Variants in TMEM30A observed in about 807,000 individuals in gnomAD.
The protein encoded by TMEM30A is cell division cycle 50 P4-ATPase accessory subunit A, also known as cell cycle control protein 50A.
A neutral mutation model predicts 38.2 loss-of-function variants in TMEM30A; 24 were observed. The ratio of observed to expected loss-of-function variants is 0.63; its 90% CI spans 0.46 to 0.88. The LOEUF is 0.88. Ranked by LOEUF, TMEM30A falls within the 40% of genes least tolerant of loss-of-function variation. TMEM30A has a pLI of 0.00. For synonymous variants in TMEM30A, 145 were observed against 161.6 expected, an observed-to-expected ratio of 0.90 and a Z score of 0.78; for missense variants, 370 against 458.6, an observed-to-expected ratio of 0.81 and a Z score of 1.77.
Position 75,260,922 on chromosome 6 carries a change from C to T in TMEM30A, c.454-11G>A. 6.3e-7 allele frequency: 1 copy of T among 1,581,698 alleles called. No individual in the cohort carries two copies. The highest frequency in any genetic ancestry group is 8.6e-7 in the Non-Finnish European group (1 of 1,165,884). The stretch of plus-strand genomic sequence containing the variant: ...TTCCTTACTGGGATTCTGGTTTTTA[C>T]AAGGAAAAGAAGAGAGAAATTATTA... On this transcript the variant is annotated splice_polypyrimidine_tract_variant and intron_variant, in intron 3 of 6. Coordinates refer to ENST00000230461, the MANE Select transcript of TMEM30A (RefSeq NM_018247.4).
At chr6:75,279,519 C>T (rs1460739868) in intron 1 of TMEM30A, among the ~76,000 whole-genome samples, 1 of 152,110 alleles carries the variant, frequency 6.6e-6, no homozygotes, top group Non-Finnish European at 1.5e-5. Flanking sequence ...AAAATTAATG[C>T]TTACTAACGT....
intron 1 of TMEM30A, among the ~76,000 whole-genome samples, chr6:75,278,744 T>C (rs1156607397): frequency 3.9e-5 from 6 of 152,166 alleles, no homozygotes; most frequent in Non-Finnish European, 8.8e-5. Context: ...ACTTCCCTCG[T>C]TTAATATATT....
chr6:75,256,015 T>C lies in TMEM30A; in HGVS notation c.*87A>G. 3 of 931,928 alleles carry C rather than the reference T, an allele frequency of 3.2e-6. No homozygotes were observed. Among genetic ancestry groups the C allele is most frequent in the South Asian group, 2.0e-5 (1 of 49,972 alleles). 57.7% of individuals were successfully genotyped at this position (931,928 alleles called of 1,614,324 possible). The stretch of plus-strand genomic sequence containing the variant: ...GTTATGTGCCAACTTCAAAATGACA[T>C]ACTAACCAGATATCAGCATTCGAAA... On this transcript the variant is annotated 3_prime_UTR_variant, in exon 7 of 7. Coordinates refer to ENST00000230461, the MANE Select transcript of TMEM30A (RefSeq NM_018247.4).
In TMEM30A at chr6:75,258,843, C is replaced by CA. The variant is rs1444127308; in HGVS notation, c.828_829insT (p.Glu277Ter). 6.2e-7 allele frequency: 1 copy of CA among 1,613,956 alleles called. No individual in the cohort carries two copies. The highest frequency in any genetic ancestry group is 8.5e-7 in the Non-Finnish European group (1 of 1,179,894). On this transcript the variant is annotated frameshift_variant, in exon 6 of 7. Coordinates refer to ENST00000230461, the MANE Select transcript of TMEM30A (RefSeq NM_018247.4). LOFTEE classifies it high-confidence loss of function. ...GTTGGATGTAAATCACTTTTCCTTT[C>CA]TATAAGACGATACAACTTGCGAAAA...
chr6:75,265,173 G>GA, intron 3 of TMEM30A, 58 bp downstream of exon 3: 2 of 1,064,758 alleles, frequency 1.9e-6, no homozygotes, highest in South Asian at 2.8e-5. Context: ...TAACTGAACA[G>GA]TTACTACATA....
At chr6:75,272,000 G>A (rs990989128) in intron 1 of TMEM30A, among the ~76,000 whole-genome samples, 3 of 152,128 alleles carry the variant, frequency 2.0e-5, no homozygotes, top group African/African-American at 7.2e-5. Context: ...AGAAGACAGA[G>A]GTGGAAATCA....
In TMEM30A at chr6:75,265,359, A is replaced by G. The variant is rs374351817; in HGVS notation, c.346-21T>C. 1.9e-5 allele frequency: 28 copies of G among 1,436,798 alleles called. No homozygotes were observed. In the African/African-American group the frequency reaches 3.0e-4, roughly 16 times the overall value. The allele number at this position is 1,436,798 out of a possible 1,614,324, so 89.0% of individuals were successfully genotyped here. On this transcript the variant is annotated intron_variant, in intron 2 of 6. Coordinates refer to ENST00000230461, the MANE Select transcript of TMEM30A (RefSeq NM_018247.4). Reference sequence around the variant, plus strand: ...TTGCCCTAGAGAAACAGAGAGGGAAAAAATTTTCATATAAAAACTATTCTG... The same window carrying G: ...TTGCCCTAGAGAAACAGAGAGGGAAGAAATTTTCATATAAAAACTATTCTG...
At chr6:75,267,505 T>G (rs1463582103) in intron 2 of TMEM30A, 136 bp downstream of exon 2, 14 of 533,476 alleles carry the variant, frequency 2.6e-5, no homozygotes, top group African/African-American at 5.8e-5. Flanking sequence ...AAAACGATCT[T>G]CCTCAAAAGC....
intron 6 of TMEM30A, among the ~76,000 whole-genome samples, chr6:75,258,247 C>T (rs1369574509): frequency 1.3e-5 from 2 of 152,282 alleles, no homozygotes; most frequent in East Asian, 1.9e-4. Flanking sequence ...ACAGTGTTAA[C>T]ACATAGTTAG....
intron 1 of TMEM30A, among the ~76,000 whole-genome samples, chr6:75,274,883 C>T (rs1331399156): frequency 2.0e-5 from 3 of 151,980 alleles, no homozygotes; most frequent in Non-Finnish European, 2.9e-5. Context: ...TGGTGGCGGG[C>T]GCCTGTAGTC....
chr6:75,267,902 G>C (rs1254455703), intron 1 of TMEM30A, among the ~76,000 whole-genome samples, 154 bp from the exon 2 acceptor site: 2 of 152,156 alleles, frequency 1.3e-5, no homozygotes, highest in Non-Finnish European at 2.9e-5. Context: ...TTGACAGTGT[G>C]AGGTAGTAAA....
intron 4 of TMEM30A, 131 bp from the exon 5 acceptor site, chr6:75,259,621 C>T: frequency 1.5e-6 from 1 of 677,350 alleles, no homozygotes; most frequent in Non-Finnish European, 2.3e-6. Flanking sequence ...ATATGATTCA[C>T]ATTTGTTCTT....
At chr6:75,272,473 A>T (rs574659082) in intron 1 of TMEM30A, 9 of 152,196 alleles carry the variant, frequency 5.9e-5, no homozygotes, top group Non-Finnish European at 1.3e-4. Flanking sequence ...CCTATTTAGG[A>T]AAGTTTTAGG....
At chr6:75,274,482 C>T (rs1351411038) in intron 1 of TMEM30A, among the ~76,000 whole-genome samples, 7 of 152,208 alleles carry the variant, frequency 4.6e-5, no homozygotes, top group Non-Finnish European at 1.0e-4. Flanking sequence ...GAATGCCAGA[C>T]AGAATGCCAC....
intron 6 of TMEM30A, chr6:75,256,896 C>A: frequency 2.7e-6 from 1 of 375,960 alleles, no homozygotes; most frequent in Non-Finnish European, 5.2e-6. Flanking sequence ...GGAAACAGGG[C>A]ACCAGTGTAC....
intron 2 of TMEM30A, among the ~76,000 whole-genome samples, chr6:75,265,675 A>C (rs1034634055): frequency 6.6e-6 from 1 of 152,128 alleles, no homozygotes; most frequent in African/African-American, 2.4e-5. Flanking sequence ...ACTGGTCTTC[A>C]CCCAGTTAGC....
intron 1 of TMEM30A, among the ~76,000 whole-genome samples, chr6:75,279,875 C>A (rs1317397780): frequency 6.6e-6 from 1 of 152,112 alleles, no homozygotes; most frequent in Non-Finnish European, 1.5e-5. Context: ...AGGAAATCAA[C>A]ATAAGACCTA....
At position 75,254,436 on chromosome 6, in the gene TMEM30A, C is replaced by A. The variant is rs1439647446; in HGVS notation, c.*1666G>T. ...TTAGACAAAGAACACACCAAATACT[C>A]CGAAATTTCAGGATAACCATACATC... On this transcript the variant is annotated 3_prime_UTR_variant, in exon 7 of 7. Coordinates refer to ENST00000230461, the MANE Select transcript of TMEM30A (RefSeq NM_018247.4). 1 of 151,982 alleles carries A rather than the reference C, an allele frequency of 6.6e-6. No homozygotes were observed. Among genetic ancestry groups the A allele is most frequent in the Non-Finnish European group, 1.5e-5 (1 of 67,944 alleles). 9.4% of individuals were successfully genotyped at this position (151,982 alleles called of 1,614,324 possible).
rs15616 is a variant in TMEM30A at position 75,254,926 on chromosome 6, A to G, written c.*1176T>C. 0.89 allele frequency: 135,158 copies of G among 152,454 alleles called. 60,407 individuals are homozygous for G. The highest frequency in any genetic ancestry group is 0.95 in the Non-Finnish European group (64,261 of 67,930). 9.4% of individuals were successfully genotyped at this position (152,454 alleles called of 1,614,324 possible). ...AAATAAAATAACTTCAACCATATACATATTATAATTTATCATGTACATACT... is the reference window on the plus strand; with the variant it reads ...AAATAAAATAACTTCAACCATATACGTATTATAATTTATCATGTACATACT... On this transcript the variant is annotated 3_prime_UTR_variant, in exon 7 of 7. Transcript: ENST00000230461.
Sources: allele counts gnomAD v4.1 joint callset (sites outside exome capture counted in the v4.1 genomes callset), GRCh38; gene constraint gnomAD v4.1.1; transcripts MANE v1.5; gene names NCBI Gene and HGNC (gene_info 2026-07-23, HGNC 2026-07-21).